SMOC1: variants seen among roughly 807,000 people sequenced by gnomAD.
SMOC1 encodes SPARC-related modular calcium-binding protein 1.
SMOC1 carries 22 observed loss-of-function variants against 56.3 expected under a neutral mutation model. The ratio of observed to expected loss-of-function variants is 0.39; its 90% CI spans 0.28 to 0.56. The LOEUF (loss-of-function observed/expected upper bound fraction) is 0.56. Ranked by LOEUF, SMOC1 falls within the 20% of genes least tolerant of loss-of-function variation. SMOC1 has a pLI of 0.61. For synonymous variants in SMOC1, 193 were observed against 215.0 expected, an observed-to-expected ratio of 0.90 and a Z score of 0.89; for missense variants, 509 against 565.4, an observed-to-expected ratio of 0.90 and a Z score of 1.01.
At chr14:69,953,651 T>G in intron 3 of SMOC1, 119 bp downstream of exon 3, 1 of 816,830 alleles carries the variant, frequency 1.2e-6, no homozygotes, top group East Asian at 2.6e-5. Context: ...AGTGAGTGGC[T>G]CTTCAACTCC....
Position 70,030,404 on chromosome 14 carries a change from C to A in SMOC1, c.*146C>A. Reference sequence around the variant, plus strand: ...ATGTTTGCACTTTTAATAACTCTTACTTGCGTGTTTTGTTTTTGGTTTCAT... The same window carrying A: ...ATGTTTGCACTTTTAATAACTCTTAATTGCGTGTTTTGTTTTTGGTTTCAT... On this transcript the variant is annotated 3_prime_UTR_variant, in exon 12 of 12. Transcript: ENST00000361956. The A allele has an allele frequency of 1.0e-6, 1 of 988,008 alleles. No homozygotes were observed. Among genetic ancestry groups the A allele is most frequent in the Non-Finnish European group, 1.5e-6 (1 of 654,124 alleles). 61.2% of individuals were successfully genotyped at this position (988,008 alleles called of 1,614,324 possible). A position where few individuals can be genotyped will look rare whatever the true frequency, so the allele number is the denominator to read the frequency against.
At chr14:69,896,461 T>C (rs945630595) in intron 1 of SMOC1, among the ~76,000 whole-genome samples, 4 of 152,200 alleles carry the variant, frequency 2.6e-5, no homozygotes, top group Admixed American at 2.6e-4. Context: ...TAATTGAGCT[T>C]AAATGAAGTA....
chr14:69,989,882 G>A (rs182659495), intron 5 of SMOC1, among the ~76,000 whole-genome samples: 5 of 152,354 alleles, frequency 3.3e-5, no homozygotes, highest in Middle Eastern at 3.4e-3. Flanking sequence ...CCAGGTGCCC[G>A]GAGATGATGG....
chr14:69,952,867 T>G (rs1400610506), intron 2 of SMOC1, among the ~76,000 whole-genome samples: 1 of 152,208 alleles, frequency 6.6e-6, no homozygotes, highest in African/African-American at 2.4e-5. Context: ...GCCACAGTCT[T>G]ACAGCACTCC....
At chr14:69,920,497 A>G (rs908471768) in intron 1 of SMOC1, among the ~76,000 whole-genome samples, 1 of 152,202 alleles carries the variant, frequency 6.6e-6, no homozygotes, top group Non-Finnish European at 1.5e-5. Flanking sequence ...TGTCATATTC[A>G]AATGGCTCTG....
Position 70,010,817 on chromosome 14 carries a change from G to A in SMOC1, c.728G>A (p.Arg243His), listed in dbSNP as rs753526052. Reference sequence around the variant, plus strand: ...CTGGAAGAGGCCCAGCAGAATCCCCGTGAGGGTATTGTCATCCCTGAATGT... The same window carrying A: ...CTGGAAGAGGCCCAGCAGAATCCCCATGAGGGTATTGTCATCCCTGAATGT... The part of the protein sequence containing the change: ...SALEEAQQNP[R>H]EGIVIPECAP... The change falls in exon 8 of 12, where the codon CGT (arginine) becomes CAT (histidine). Residue 243 changes from arginine to histidine, a missense_variant. This residue lies in a region of SMOC1 where 315 missense variants were observed against 333.1 expected (regional missense o/e 0.95). Coordinates refer to ENST00000361956, the MANE Select transcript of SMOC1 (RefSeq NM_001034852.3). 5.0e-6 allele frequency: 8 copies of A among 1,614,228 alleles called. No individual in the cohort carries two copies. Among genetic ancestry groups the A allele is most frequent in the African/African-American group, 2.7e-5 (2 of 75,062 alleles).
intron 1 of SMOC1, among the ~76,000 whole-genome samples, chr14:69,895,158 C>T (rs916199993): frequency 5.9e-5 from 9 of 152,206 alleles, no homozygotes; most frequent in African/African-American, 1.9e-4. Flanking sequence ...TCACCAATTT[C>T]CAGTGGTTGG....
rs530931746 is a variant in SMOC1, at chr14:69,956,959, C to T, written c.378+3427C>T. Among the ~76,000 whole-genome samples the T allele has an allele frequency of 5.4e-5, 8 of 148,100 alleles. No individual in the cohort carries two copies. In the South Asian group the frequency reaches 1.3e-3, roughly 24 times the overall value. On this transcript the variant is annotated intron_variant, in intron 3 of 11. Transcript: ENST00000361956. ...GCCAATGTTTGATCAAAGTTTCAAA[C>T]CACTTTTGTATGGACTTCATCACTC...
At chr14:69,934,950 A>G (rs1442439757) in intron 1 of SMOC1, among the ~76,000 whole-genome samples, 2 of 152,186 alleles carry the variant, frequency 1.3e-5, no homozygotes, top group African/African-American at 4.8e-5. Context: ...AATTAAAATA[A>G]TTTATTTAAA....
At chr14:70,024,947 G>A (rs1469995715) in intron 11 of SMOC1, among the ~76,000 whole-genome samples, 1 of 152,124 alleles carries the variant, frequency 6.6e-6, no homozygotes, top group African/African-American at 2.4e-5. Context: ...GTGATGGAGG[G>A]CCAAGTTATG....
intron 7 of SMOC1, among the ~76,000 whole-genome samples, chr14:69,995,248 G>A (rs1884724065): frequency 6.6e-6 from 1 of 152,194 alleles, no homozygotes; most frequent in African/African-American, 2.4e-5. Context: ...GAACCAGCAG[G>A]CAGAATTTTA....
intron 7 of SMOC1, among the ~76,000 whole-genome samples, chr14:69,997,321 C>T (rs1594846367): frequency 6.6e-6 from 1 of 152,150 alleles, no homozygotes; most frequent in African/African-American, 2.4e-5. Context: ...CTCCCACAAA[C>T]GGGTTGCCAA....
chr14:69,898,019 C>G (rs964703923), intron 1 of SMOC1, among the ~76,000 whole-genome samples: 1 of 152,148 alleles, frequency 6.6e-6, no homozygotes, highest in Non-Finnish European at 1.5e-5. Context: ...GTCTGTTTCT[C>G]TATCACTTTT....
chr14:69,903,595 G>A (rs981762892), intron 1 of SMOC1, among the ~76,000 whole-genome samples: 2 of 152,292 alleles, frequency 1.3e-5, no homozygotes, highest in African/African-American at 4.8e-5. Context: ...GTTGATCTAC[G>A]ACCTTACCCC....
chr14:70,023,543 A>G (rs546920299), intron 11 of SMOC1, 96 bp downstream of exon 11: 18 of 1,533,984 alleles, frequency 1.2e-5, no homozygotes, highest in South Asian at 1.0e-4. Context: ...CCAGATACTC[A>G]TCTATTCATC....
At chr14:69,892,154 T>C (rs1224040931) in intron 1 of SMOC1, among the ~76,000 whole-genome samples, 1 of 152,234 alleles carries the variant, frequency 6.6e-6, no homozygotes, top group African/African-American at 2.4e-5. Flanking sequence ...TTTCTGTCTT[T>C]GGTGTCAGGC....
At chr14:69,939,227 T>C (rs1882458176) in intron 1 of SMOC1, among the ~76,000 whole-genome samples, 1 of 152,212 alleles carries the variant, frequency 6.6e-6, no homozygotes, top group South Asian at 2.1e-4. Context: ...TCAGCAGGGC[T>C]GGGGAAGCCT....
intron 3 of SMOC1, among the ~76,000 whole-genome samples, chr14:69,961,790 G>A (rs1566689797): frequency 6.6e-6 from 1 of 152,100 alleles, no homozygotes; most frequent in Non-Finnish European, 1.5e-5. Context: ...GAATTGCTAG[G>A]TCATATGGTA....
chr14:69,968,428 G>C (rs1883647814), intron 3 of SMOC1, among the ~76,000 whole-genome samples: 1 of 152,144 alleles, frequency 6.6e-6, no homozygotes, highest in Admixed American at 6.5e-5. Flanking sequence ...GATGTTCTTG[G>C]GGGTGGGGAC....
Sources: allele counts gnomAD v4.1 joint callset (sites outside exome capture counted in the v4.1 genomes callset), GRCh38; gene constraint gnomAD v4.1.1; regional missense constraint gnomAD v4.1.1; transcripts MANE v1.5; gene names NCBI Gene and HGNC (gene_info 2026-07-23, HGNC 2026-07-21).